The following TAF12 variants were observed in gnomAD, a reference collection of about 807,000 sequenced individuals.
TAF12 encodes the protein transcription initiation factor TFIID subunit 12.
A neutral mutation model predicts 20.8 loss-of-function variants in TAF12; 3 were observed. The observed-to-expected ratio is 0.14, with a 90% CI of 0.07 to 0.37. The LOEUF (loss-of-function observed/expected upper bound fraction) is 0.37, where lower values mean the gene tolerates loss of function less well. TAF12 is among the 10% of genes least tolerant of loss of function. The probability of loss-of-function intolerance (pLI) is 1.00; values close to 1 mark genes in which losing one functional copy is unlikely to be tolerated. For synonymous variants in TAF12, 69 were observed against 70.2 expected (o/e 0.98, Z 0.09); for missense variants, 131 against 197.9 (o/e 0.66, Z 2.03).
At chr1:28,627,469 G>A (rs75535021) in intron 1 of TAF12, among the ~76,000 whole-genome samples, 18 of 150,972 alleles carry the variant, frequency 1.2e-4, no homozygotes, top group East Asian at 7.8e-4. Flanking sequence ...TGAGGCGGGC[G>A]GATCACAAGG....
At position 28,605,407 on chromosome 1, in the gene TAF12, A is replaced by T; in HGVS notation, c.415T>A (p.Tyr139Asn). 1 of 1,614,008 alleles carries T rather than the reference A, an allele frequency of 6.2e-7. No individual in the cohort carries two copies. Among genetic ancestry groups the T allele is most frequent in the Non-Finnish European group, 8.5e-7 (1 of 1,179,982 alleles). ...GCTTCTGTGGTGCAAGCTTTTTTGT[A>T]GGGTCGGATTTCTTCAGAGCCAAAT... The part of the protein sequence containing the change: ...PGFGSEEIRP[Y>N]KKACTTEAHK... The change falls in exon 5 of 6, where the codon TAC becomes AAC. Residue 139 changes from tyrosine (Y) to asparagine (N), a missense_variant. By Grantham distance (143) the Tyr-to-Asn change is moderately radical. Transcript: ENST00000373824.
In TAF12 at chr1:28,612,342, TAGG is replaced by T. The variant is rs1273908182; in HGVS notation, c.361+902_361+904del. Among the ~76,000 whole-genome samples the T allele has an allele frequency of 5.3e-5, 8 of 151,266 alleles. No individual in the cohort carries two copies. In the Admixed American group the frequency reaches 5.3e-4, roughly 10 times the overall value. ...GTGCAGGCCTGTAGTCCCAGCTACT[TAGG>T]AGGCTGAGGCAGGAGAATCGCTTGA... On this transcript the variant is annotated intron_variant, in intron 4 of 5. Transcript: ENST00000373824.
At chr1:28,616,660 C>T (rs552417834) in intron 3 of TAF12, among the ~76,000 whole-genome samples, 5 of 148,944 alleles carry the variant, frequency 3.4e-5, no homozygotes, top group East Asian at 2.0e-4. Context: ...CTTGAACCCC[C>T]GGGATGCAGA....
chr1:28,612,784 A>C (rs1666910521), intron 4 of TAF12, among the ~76,000 whole-genome samples: 1 of 152,022 alleles, frequency 6.6e-6, no homozygotes, highest in African/African-American at 2.4e-5. Context: ...AAACTTTGGA[A>C]AAAATGCATA....
intron 1 of TAF12, among the ~76,000 whole-genome samples, chr1:28,641,135 C>G (rs1668017078): frequency 6.6e-6 from 1 of 151,928 alleles, no homozygotes; most frequent in Admixed American, 6.6e-5. Flanking sequence ...AATGTCAATA[C>G]AGTAACAACA....
At chr1:28,625,537 A>ATTTT (rs753920655) in intron 1 of TAF12, among the ~76,000 whole-genome samples, 7 of 133,434 alleles carry the variant, frequency 5.2e-5, no homozygotes, top group African/African-American at 8.7e-5. Context: ...CACCCAGCTA[A>ATTTT]TTTTTTTTTT....
intron 1 of TAF12, chr1:28,642,618 C>T: frequency 1.0e-6 from 1 of 984,904 alleles, no homozygotes. Flanking sequence ...CCGCTTCTGC[C>T]TCTTAGGAGC....
chr1:28,612,364 C>T (rs1253415028), intron 4 of TAF12, among the ~76,000 whole-genome samples: 1 of 151,308 alleles, frequency 6.6e-6, no homozygotes, highest in Non-Finnish European at 1.5e-5. Context: ...GCAGGAGAAT[C>T]GCTTGAACCC....
chr1:28,632,120 A>G (rs921746398), intron 1 of TAF12, among the ~76,000 whole-genome samples: 1 of 152,176 alleles, frequency 6.6e-6, no homozygotes, highest in African/African-American at 2.4e-5. Context: ...ATTATGGTAT[A>G]TCCATTCAAT....
chr1:28,616,042 T>C (rs1446513016), intron 3 of TAF12, among the ~76,000 whole-genome samples: 1 of 152,190 alleles, frequency 6.6e-6, no homozygotes, highest in Non-Finnish European at 1.5e-5. Flanking sequence ...ACCCATATAT[T>C]ACTGGGCCAA....
intron 1 of TAF12, among the ~76,000 whole-genome samples, chr1:28,641,908 G>A (rs1668048391): frequency 6.6e-6 from 1 of 151,976 alleles, no homozygotes. Context: ...GAAGGGTACT[G>A]TATTAAAATT....
chr1:28,617,906 T>TA lies in TAF12; in HGVS notation c.246+46dup, dbSNP rs758380132. On this transcript the variant is annotated intron_variant, in intron 3 of 5. Transcript: ENST00000373824. ...GTTTGTGCTCTTAACCACTATGCTA[T>TA]ACCGGTTCTCAGGGACCAGTTTCTG... is the stretch of plus-strand genomic sequence containing the variant. The TA allele has an allele frequency of 5.7e-6, 9 of 1,572,386 alleles. 1 individual carries two copies. In the South Asian group the frequency reaches 1.0e-4, roughly 17 times the overall value.
intron 1 of TAF12, among the ~76,000 whole-genome samples, chr1:28,626,788 T>C (rs912817747): frequency 1.3e-5 from 2 of 151,592 alleles, no homozygotes; most frequent in African/African-American, 4.9e-5. Flanking sequence ...CAGGTGCCTG[T>C]AATCCCAGCT....
chr1:28,632,635 C>T (rs1034679321), intron 1 of TAF12, among the ~76,000 whole-genome samples: 33 of 151,848 alleles, frequency 2.2e-4, no homozygotes, highest in South Asian at 2.1e-4. Flanking sequence ...CATTTATAGG[C>T]CACTCTGGAA....
At chr1:28,632,034 A>G (rs1282519908) in intron 1 of TAF12, among the ~76,000 whole-genome samples, 1 of 152,212 alleles carries the variant, frequency 6.6e-6, no homozygotes, top group Non-Finnish European at 1.5e-5. Context: ...CTGTTCATAA[A>G]TATTTATAGC....
chr1:28,618,919 G>A (rs924358379), intron 2 of TAF12, among the ~76,000 whole-genome samples: 1 of 152,172 alleles, frequency 6.6e-6, no homozygotes, highest in African/African-American at 2.4e-5. Flanking sequence ...ACAGTGATCT[G>A]TGCCTGTAGT....
chr1:28,626,274 G>T lies in TAF12; in HGVS notation c.-84-4109C>A, dbSNP rs902108477. ...ATTACAGGTATGAACCACCGCGCCC[G>T]GCCTCAGCCTAAATTTTTTTTAGGG... On this transcript the variant is annotated intron_variant, in intron 1 of 5. Transcript: ENST00000373824. Among the ~76,000 whole-genome samples, 3 of 151,130 alleles carry T rather than the reference G, an allele frequency of 2.0e-5. No homozygotes were observed. The East Asian group carries it at 6.1e-4, about 31-fold the overall frequency.
At chr1:28,623,621 A>G (rs1359448719) in intron 1 of TAF12, among the ~76,000 whole-genome samples, 3 of 152,240 alleles carry the variant, frequency 2.0e-5, no homozygotes, top group African/African-American at 7.2e-5. Context: ...TCATAGCACA[A>G]TCACATCCTT....
At chr1:28,642,425 G>A (rs1668067355) in intron 1 of TAF12, among the ~76,000 whole-genome samples, 1 of 152,228 alleles carries the variant, frequency 6.6e-6, no homozygotes, top group African/African-American at 2.4e-5. Context: ...TCACAGCCCT[G>A]TTCCGAGACT....
Sources: gnomAD v4.1 joint callset for allele counts (sites outside exome capture counted in the v4.1 genomes callset) on GRCh38, gnomAD v4.1.1 for gene constraint, MANE v1.5 for transcripts, NCBI Gene and HGNC (gene_info 2026-07-23, HGNC 2026-07-21) for gene names.